NALCN: variants seen among roughly 807,000 people sequenced by gnomAD.
NALCN encodes sodium leak channel, non-selective, also known as sodium leak channel NALCN.
Under a neutral mutation model 225.3 loss-of-function variants are expected in NALCN, and 111 were observed. That is an observed-to-expected ratio of 0.49 (90% CI 0.42 to 0.58). The LOEUF (loss-of-function observed/expected upper bound fraction) is 0.58. NALCN is among the 20% of genes least tolerant of loss of function. The pLI is 0.00. For missense variants in NALCN, 1,378 were observed against 2,202.4 expected, an observed-to-expected ratio of 0.63 and a Z score of 7.49; for synonymous variants, 764 against 769.0, an observed-to-expected ratio of 0.99 and a Z score of 0.11.
chr13:101,374,089 G>A (rs934880726), intron 6 of NALCN, among the ~76,000 whole-genome samples: 3 of 151,866 alleles, frequency 2.0e-5, no homozygotes, highest in African/African-American at 7.3e-5. Context: ...AGTGGGGTTA[G>A]TAGCAACAGT....
At position 101,074,538 on chromosome 13, in the gene NALCN, A is replaced by G. The variant is rs2139471155; in HGVS notation, c.4079T>C (p.Val1360Ala). The G allele has an allele frequency of 6.2e-7, 1 of 1,611,994 alleles. No individual in the cohort carries two copies. The highest frequency in any genetic ancestry group is 2.2e-5 in the East Asian group (1 of 44,842). Residue 1360 changes from valine to alanine, a missense_variant, in exon 36 of 44, where the codon GTG (valine) becomes GCG (alanine). Val to Ala is a moderately conservative substitution (Grantham distance 64, BLOSUM62 0). Coordinates refer to ENST00000251127, the MANE Select transcript of NALCN (RefSeq NM_052867.4). The stretch of plus-strand genomic sequence containing the variant: ...CCTGTTAATATTCTCCCCATATTTC[A>G]CAGTACCAAATAAAACAACTCCAGC... ...AFAGVVLFGT[V>A]KYGENINRHA...
At chr13:101,079,146 C>A (rs2033456491) in intron 34 of NALCN, among the ~76,000 whole-genome samples, 1 of 152,180 alleles carries the variant, frequency 6.6e-6, no homozygotes, top group Non-Finnish European at 1.5e-5. Context: ...TTATAAATTA[C>A]CCAGTTTTGG....
intron 7 of NALCN, among the ~76,000 whole-genome samples, chr13:101,336,654 T>C (rs1199377308): frequency 2.0e-5 from 3 of 152,232 alleles, no homozygotes; most frequent in African/African-American, 4.8e-5. Flanking sequence ...AAAAGCTTTA[T>C]AATTTTTTCG....
chr13:101,273,776 T>A (rs2042877870), intron 10 of NALCN, among the ~76,000 whole-genome samples: 1 of 149,996 alleles, frequency 6.7e-6, no homozygotes, highest in African/African-American at 2.5e-5. Context: ...ACCCAGCAAC[T>A]CGGGAGGCTG....
chr13:101,171,176 TTA>T (rs2038694290), intron 15 of NALCN, among the ~76,000 whole-genome samples: 1 of 151,514 alleles, frequency 6.6e-6, no homozygotes, highest in African/African-American at 2.4e-5. Flanking sequence ...AAACAATGTT[TTA>T]TATATATGTG....
chr13:101,389,768 A>G lies in NALCN; in HGVS notation c.291+5415T>C, dbSNP rs72654882. ...ATCATGATGAAGCCCTTGTAAAAAC[A>G]TTACAGAATAAGATGAATGAAATAA... On this transcript the variant is annotated intron_variant, in intron 3 of 43. Transcript: ENST00000251127. Among the ~76,000 whole-genome samples, 455 of 152,310 alleles carry G rather than the reference A, an allele frequency of 3.0e-3. 1 individual carries two copies. The highest frequency in any genetic ancestry group is 4.4e-3 in the Non-Finnish European group (297 of 68,006).
At chr13:101,401,651 T>A (rs1347480192) in intron 1 of NALCN, among the ~76,000 whole-genome samples, 1 of 152,160 alleles carries the variant, frequency 6.6e-6, no homozygotes, top group African/African-American at 2.4e-5. Flanking sequence ...TTTTAAAAAA[T>A]TCCCACTTTG....
intron 7 of NALCN, among the ~76,000 whole-genome samples, chr13:101,301,115 A>T (rs897767985): frequency 3.3e-5 from 5 of 152,236 alleles, no homozygotes; most frequent in African/African-American, 1.2e-4. Flanking sequence ...GAATACTTCA[A>T]AGAAAGGAGA....
intron 6 of NALCN, among the ~76,000 whole-genome samples, chr13:101,359,273 A>G (rs1014365599): frequency 3.9e-5 from 6 of 152,226 alleles, no homozygotes. Flanking sequence ...ACAGGATGGC[A>G]TTTATTACCC....
At chr13:101,339,252 C>T (rs2045481125) in intron 7 of NALCN, among the ~76,000 whole-genome samples, 1 of 152,092 alleles carries the variant, frequency 6.6e-6, no homozygotes, top group Non-Finnish European at 1.5e-5. Context: ...TGATTCCTAC[C>T]CACCTTGCCA....
At chr13:101,225,364 G>C (rs1382450671) in intron 13 of NALCN, among the ~76,000 whole-genome samples, 2 of 152,146 alleles carry the variant, frequency 1.3e-5, no homozygotes, top group African/African-American at 4.8e-5. Flanking sequence ...CGTTGGACTA[G>C]TTCCTCCTAA....
At chr13:101,285,660 T>C (rs1185105441) in intron 9 of NALCN, among the ~76,000 whole-genome samples, 1 of 152,186 alleles carries the variant, frequency 6.6e-6, no homozygotes, top group Non-Finnish European at 1.5e-5. Flanking sequence ...CAGCTGTCCA[T>C]TTACAGGATT....
intron 6 of NALCN, among the ~76,000 whole-genome samples, chr13:101,371,411 T>C (rs1405798599): frequency 1.3e-5 from 2 of 152,178 alleles, no homozygotes; most frequent in East Asian, 3.9e-4. Context: ...CTCAAACTCC[T>C]GGGCTCAAGT....
At chr13:101,346,112 T>TATATAA (rs59022634) in intron 6 of NALCN, among the ~76,000 whole-genome samples, 1 of 141,418 alleles carries the variant, frequency 7.1e-6, no homozygotes, top group African/African-American at 2.6e-5. Context: ...TATATATATA[T>TATATAA]GATGTTATTT....
rs571284040 is a variant in NALCN at position 101,065,961 on chromosome 13, C to G, written c.4447-400G>C. ...TACTCACACAAGGTAATGGACAAGA[C>G]ACACACGTGTAATCCTCCTCTTCAC... On this transcript the variant is annotated intron_variant, in intron 39 of 43. Transcript: ENST00000251127. Among the ~76,000 whole-genome samples the G allele has an allele frequency of 2.5e-4, 38 of 152,334 alleles. No homozygotes were observed. In the South Asian group the frequency reaches 7.0e-3, roughly 28 times the overall value.
intron 40 of NALCN, among the ~76,000 whole-genome samples, chr13:101,062,367 G>A (rs970605159): frequency 1.1e-4 from 17 of 152,242 alleles, no homozygotes; most frequent in African/African-American, 3.6e-4. Flanking sequence ...GTTAATATCT[G>A]TGAGGCTCTT....
chr13:101,411,085 G>A (rs2047768077), intron 1 of NALCN, among the ~76,000 whole-genome samples: 1 of 152,060 alleles, frequency 6.6e-6, no homozygotes, highest in East Asian at 1.9e-4. Context: ...AAATATACCT[G>A]TAGATCAATA....
At chr13:101,384,448 C>G (rs2046932002) in intron 3 of NALCN, among the ~76,000 whole-genome samples, 1 of 151,730 alleles carries the variant, frequency 6.6e-6, no homozygotes, top group Admixed American at 6.6e-5. Flanking sequence ...ATTTAACAAG[C>G]AGAAAAAGGA....
intron 13 of NALCN, among the ~76,000 whole-genome samples, chr13:101,206,059 A>T (rs991942826): frequency 1.3e-5 from 2 of 151,990 alleles, no homozygotes; most frequent in African/African-American, 4.8e-5. Flanking sequence ...CACACTTCAG[A>T]CATGGAGTTT....
Sources: allele counts gnomAD v4.1 joint callset (sites outside exome capture counted in the v4.1 genomes callset), GRCh38; gene constraint gnomAD v4.1.1; transcripts MANE v1.5; gene names NCBI Gene and HGNC (gene_info 2026-07-23, HGNC 2026-07-21).